CCDC146: variants seen among roughly 807,000 people sequenced by gnomAD.
The protein encoded by CCDC146 is coiled-coil domain-containing protein 146.
Under a neutral mutation model 119.3 loss-of-function variants are expected in CCDC146, and 92 were observed. The ratio of observed to expected loss-of-function variants is 0.77; its 90% CI spans 0.65 to 0.92. The LOEUF (loss-of-function observed/expected upper bound fraction) is 0.92, where lower values mean the gene tolerates loss of function less well. CCDC146 is among the 40% of genes least tolerant of loss of function. The pLI, the probability that CCDC146 is intolerant of heterozygous loss-of-function variation, is 0.00. For synonymous variants in CCDC146, 372 were observed against 371.8 expected (o/e 1.00, Z -0.01); for missense variants, 1,000 against 1,103.0 (o/e 0.91, Z 1.32).
chr7:77,263,040 C>T (rs568292656), intron 9 of CCDC146, among the ~76,000 whole-genome samples: 3 of 152,296 alleles, frequency 2.0e-5, no homozygotes, highest in Admixed American at 6.5e-5. Context: ...AAACCTTCCC[C>T]GTTCTCTTCA....
At chr7:77,191,325 T>C (rs1791758485) in intron 2 of CCDC146, among the ~76,000 whole-genome samples, 1 of 152,174 alleles carries the variant, frequency 6.6e-6, no homozygotes, top group Non-Finnish European at 1.5e-5. Flanking sequence ...TTCTCACCTA[T>C]GTTCACAGTC....
At chr7:77,174,714 G>A (rs1791477102) in intron 2 of CCDC146, among the ~76,000 whole-genome samples, 1 of 152,156 alleles carries the variant, frequency 6.6e-6, no homozygotes, top group Non-Finnish European at 1.5e-5. Context: ...CCGAAGTCGA[G>A]TTCTGCCTCC....
At chr7:77,149,786 C>CGAGA (rs59790559) in intron 1 of CCDC146, among the ~76,000 whole-genome samples, 200 of 136,152 alleles carry the variant, frequency 1.5e-3, no homozygotes, top group South Asian at 3.6e-3. Flanking sequence ...AAAAAAAAAG[C>CGAGA]GAGAGAGAGA....
intron 2 of CCDC146, among the ~76,000 whole-genome samples, chr7:77,176,002 A>G (rs1392525877): frequency 6.6e-6 from 1 of 151,248 alleles, no homozygotes; most frequent in East Asian, 2.0e-4. Flanking sequence ...CTGCTGTGGG[A>G]TGAGATGGTC....
At chr7:77,236,831 G>A (rs1057444856) in intron 2 of CCDC146, 116 bp from the exon 3 acceptor site, 8 of 745,436 alleles carry the variant, frequency 1.1e-5, no homozygotes, top group East Asian at 2.6e-5. Context: ...ACATTGCCTC[G>A]TGTATCCTCT....
At chr7:77,287,405 T>A (rs769708181) in intron 16 of CCDC146, 35 bp from the exon 17 acceptor site, 3 of 1,610,448 alleles carry the variant, frequency 1.9e-6, no homozygotes, top group African/African-American at 2.7e-5. Flanking sequence ...AGATGACTTT[T>A]TTTTTATTCC....
At chr7:77,163,868 T>TC in intron 1 of CCDC146, among the ~76,000 whole-genome samples, 1 of 146,808 alleles carries the variant, frequency 6.8e-6, no homozygotes, top group East Asian at 2.0e-4. Context: ...TTCTTTTTTT[T>TC]TTTTTTTTTG....
chr7:77,294,463 GGT>G (rs61323999), intron 18 of CCDC146, among the ~76,000 whole-genome samples, 198 bp from the exon 19 acceptor site: 28,494 of 133,934 alleles, frequency 0.21, 3,154 homozygotes, highest in East Asian at 0.52. Flanking sequence ...ATGAGAGGTA[GGT>G]GTGTGTGTGT....
chr7:77,148,978 A>T (rs1791067191), intron 1 of CCDC146, among the ~76,000 whole-genome samples: 1 of 152,164 alleles, frequency 6.6e-6, no homozygotes, highest in African/African-American at 2.4e-5. Context: ...AGAAAAAACT[A>T]CTTTAATTTA....
At chr7:77,290,447 A>G (rs1393381117) in intron 17 of CCDC146, among the ~76,000 whole-genome samples, 1 of 152,236 alleles carries the variant, frequency 6.6e-6, no homozygotes, top group African/African-American at 2.4e-5. Context: ...GACTCCCCCC[A>G]AAGATAAGGA....
chr7:77,250,631 A>G (rs965314062), intron 4 of CCDC146, among the ~76,000 whole-genome samples: 3 of 152,128 alleles, frequency 2.0e-5, no homozygotes, highest in East Asian at 3.8e-4. Context: ...TAATTTACAT[A>G]TGATATGTCT....
At chr7:77,131,406 A>G (rs961915220) in intron 1 of CCDC146, among the ~76,000 whole-genome samples, 1 of 152,110 alleles carries the variant, frequency 6.6e-6, no homozygotes. Context: ...ATTGGTACAC[A>G]CAACAAAATA....
At chr7:77,271,479 T>A (rs5885015) in intron 9 of CCDC146, among the ~76,000 whole-genome samples, 37,237 of 73,178 alleles carry the variant, frequency 0.51, 8,150 homozygotes, top group African/African-American at 0.62. Flanking sequence ...CCTTTTTATT[T>A]TATATATATA....
intron 2 of CCDC146, among the ~76,000 whole-genome samples, chr7:77,170,933 G>A (rs1440415851): frequency 6.6e-6 from 1 of 152,160 alleles, no homozygotes; most frequent in African/African-American, 2.4e-5. Flanking sequence ...TGGCAAAGGT[G>A]TGGAGAAAAA....
chr7:77,164,272 G>A (rs887598567), intron 1 of CCDC146, among the ~76,000 whole-genome samples: 1 of 151,988 alleles, frequency 6.6e-6, no homozygotes, highest in African/African-American at 2.4e-5. Context: ...AGGATTGAGT[G>A]TACATATTTT....
intron 8 of CCDC146, 43 bp from the exon 9 acceptor site, chr7:77,262,078 T>G: frequency 6.7e-7 from 1 of 1,482,884 alleles, no homozygotes. Flanking sequence ...TTAGGACAGC[T>G]GATAACAAAA....
chr7:77,267,105 C>A (rs1056200473), intron 9 of CCDC146, among the ~76,000 whole-genome samples: 1 of 151,726 alleles, frequency 6.6e-6, no homozygotes, highest in Non-Finnish European at 1.5e-5. Context: ...AATTCTCTTG[C>A]CCTCAGCCTC....
rs749771747 is a variant in CCDC146, at chr7:77,278,965, A to C, written c.1558A>C (p.Thr520Pro). 5.0e-6 allele frequency: 8 copies of C among 1,611,688 alleles called. No homozygotes were observed. The South Asian group carries it at 8.9e-5, about 18-fold the overall frequency. The change falls in exon 13 of 19, where the codon ACC (threonine) becomes CCC (proline). Residue 520 changes from threonine to proline, a missense_variant. Physicochemically the swap from Thr to Pro is conservative, Grantham distance 38. Coordinates refer to ENST00000285871, the MANE Select transcript of CCDC146 (RefSeq NM_020879.3). The stretch of plus-strand genomic sequence containing the variant: ...GAGAGAGTTTGCTAAACTGTATGAC[A>C]CCATTCGAAATGAAAGAAACAAATT... ...RLREFAKLYDTIRNERNKFVN... is the reference protein window; with the variant it reads ...RLREFAKLYDPIRNERNKFVN...
At chr7:77,141,666 C>G (rs1438774328) in intron 1 of CCDC146, among the ~76,000 whole-genome samples, 1 of 152,152 alleles carries the variant, frequency 6.6e-6, no homozygotes, top group South Asian at 2.1e-4. Context: ...TCTCTAATGA[C>G]CAGTGATGAT....
Sources: allele counts gnomAD v4.1 joint callset (sites outside exome capture counted in the v4.1 genomes callset), GRCh38; gene constraint gnomAD v4.1.1; transcripts MANE v1.5; gene names NCBI Gene and HGNC (gene_info 2026-07-23, HGNC 2026-07-21).